The following PHF20 variants were observed in gnomAD, a reference collection of about 807,000 sequenced individuals.
PHF20 encodes PHD finger protein 20.
PHF20 carries 23 observed loss-of-function variants against 113.5 expected under a neutral mutation model. The ratio of observed to expected loss-of-function variants is 0.20; its 90% CI spans 0.15 to 0.29. The LOEUF (loss-of-function observed/expected upper bound fraction) is 0.29. PHF20 is among the 10% of genes least tolerant of loss of function. The probability of loss-of-function intolerance (pLI) is 1.00; values close to 1 mark genes in which losing one functional copy is unlikely to be tolerated. For missense variants in PHF20, 943 were observed against 1,219.6 expected, an observed-to-expected ratio of 0.77 and a Z score of 3.38; for synonymous variants, 434 against 457.3, an observed-to-expected ratio of 0.95 and a Z score of 0.65.
At chr20:35,791,459 A>G (rs2041547332) in intron 1 of PHF20, among the ~76,000 whole-genome samples, 1 of 135,390 alleles carries the variant, frequency 7.4e-6, no homozygotes, top group African/African-American at 3.0e-5. Flanking sequence ...CTATCTATCT[A>G]TCTATCTATC....
intron 2 of PHF20, among the ~76,000 whole-genome samples, chr20:35,841,158 A>G (rs1363053785): frequency 6.6e-6 from 1 of 152,052 alleles, no homozygotes; most frequent in East Asian, 1.9e-4. Flanking sequence ...CAGCCTGGGC[A>G]ACGTAACAGA....
intron 5 of PHF20, among the ~76,000 whole-genome samples, chr20:35,861,170 A>G (rs368375108): frequency 1.4e-5 from 2 of 148,104 alleles, no homozygotes; most frequent in African/African-American, 5.0e-5. Flanking sequence ...TTTTTTCTGT[A>G]GGACTGCACT....
At position 35,905,285 on chromosome 20, in the gene PHF20, G is replaced by A. The variant is rs577763754; in HGVS notation, c.1561+5637G>A. 8.5e-5 allele frequency among the ~76,000 whole-genome samples: 13 copies of A among 152,338 alleles called. No homozygotes were observed. In the South Asian group the frequency reaches 1.9e-3, roughly 22 times the overall value. Reference sequence around the variant, plus strand: ...CACAGATTCAGATTTTGCCTGTAGGGTAGGAGCTGGACTGTTGAGAGGAGA... The same window carrying A: ...CACAGATTCAGATTTTGCCTGTAGGATAGGAGCTGGACTGTTGAGAGGAGA... On this transcript the variant is annotated intron_variant, in intron 10 of 17. Coordinates refer to ENST00000374012, the MANE Select transcript of PHF20 (RefSeq NM_016436.5).
At chr20:35,897,841 A>G (rs534258820) in intron 9 of PHF20, among the ~76,000 whole-genome samples, 1 of 151,332 alleles carries the variant, frequency 6.6e-6, no homozygotes, top group African/African-American at 2.4e-5. Context: ...TGCTGGGATT[A>G]CAGGTGTGAG....
At chr20:35,897,622 A>G (rs1394019479) in intron 9 of PHF20, among the ~76,000 whole-genome samples, 1 of 130,146 alleles carries the variant, frequency 7.7e-6, no homozygotes, top group East Asian at 2.3e-4. Flanking sequence ...GCTCGAGTGC[A>G]GAGGTGCGAT....
chr20:35,859,238 G>A (rs2425180), intron 5 of PHF20, among the ~76,000 whole-genome samples: 38,299 of 151,998 alleles, frequency 0.25, 5,596 homozygotes, highest in African/African-American at 0.41. Flanking sequence ...CTCAGTTTTG[G>A]TACTGGAAAT....
At chr20:35,801,295 C>T (rs1427862995) in intron 1 of PHF20, among the ~76,000 whole-genome samples, 196 bp from the exon 2 acceptor site, 1 of 151,982 alleles carries the variant, frequency 6.6e-6, no homozygotes, top group Non-Finnish European at 1.5e-5. Flanking sequence ...CTTCTTAGTT[C>T]CAGAAACCAC....
intron 9 of PHF20, among the ~76,000 whole-genome samples, chr20:35,889,620 C>T (rs1211786348): frequency 6.6e-6 from 1 of 152,002 alleles, no homozygotes; most frequent in Non-Finnish European, 1.5e-5. Context: ...ATCTCAGCCT[C>T]CTAGAGTGCT....
At chr20:35,898,626 T>C (rs2055036394) in intron 9 of PHF20, among the ~76,000 whole-genome samples, 1 of 152,002 alleles carries the variant, frequency 6.6e-6, no homozygotes, top group Admixed American at 6.6e-5. Flanking sequence ...TGTTTTTTGT[T>C]TGAGTCAAAG....
chr20:35,882,038 T>C (rs1186145216), intron 9 of PHF20, among the ~76,000 whole-genome samples: 5 of 152,268 alleles, frequency 3.3e-5, no homozygotes, highest in Admixed American at 3.3e-4. Flanking sequence ...AATGTCATCT[T>C]GAAATAGAAA....
chr20:35,871,243 C>G (rs2054416134), intron 8 of PHF20, 109 bp downstream of exon 8: 2 of 884,400 alleles, frequency 2.3e-6, no homozygotes, highest in Middle Eastern at 2.4e-4. Flanking sequence ...GTCTTGAAAT[C>G]AAACTATTGA....
At chr20:35,932,428 ATTTTTTTTT>A (rs753265544) in intron 15 of PHF20, among the ~76,000 whole-genome samples, 2 of 104,692 alleles carry the variant, frequency 1.9e-5, no homozygotes, top group Non-Finnish European at 1.9e-5. Flanking sequence ...CATCTTAACC[ATTTTTTTTT>A]TTTTTTTTTT....
intron 10 of PHF20, among the ~76,000 whole-genome samples, chr20:35,903,140 G>A (rs1202490454): frequency 8.7e-6 from 1 of 114,446 alleles, no homozygotes; most frequent in Non-Finnish European, 1.7e-5. Context: ...TGGGTCTCAT[G>A]CATTATACTG....
In PHF20 at chr20:35,794,300, C is replaced by CCAA. The variant is rs1555916513; in HGVS notation, c.-32-7191_-32-7190insCAA. Among the ~76,000 whole-genome samples the CCAA allele has an allele frequency of 1.4e-4, 13 of 96,138 alleles. No individual in the cohort carries two copies. In the East Asian group the frequency reaches 3.9e-3, roughly 29 times the overall value. The allele number at this position is 96,138 out of a possible 152,430, so 63.1% of individuals were successfully genotyped here. On this transcript the variant is annotated intron_variant, in intron 1 of 17. Transcript: ENST00000374012. ...GGGCAACAAGAGCAAAACTCTGTCT[C>CCAA]AAAAAAAAAAAAAAAAGAAAAAAGA...
At chr20:35,857,562 C>CTT (rs56655276) in intron 4 of PHF20, among the ~76,000 whole-genome samples, 2,918 of 99,596 alleles carry the variant, frequency 0.029, 143 homozygotes, top group South Asian at 0.086. Flanking sequence ...AATGATGTTC[C>CTT]TTTTTTTTTT....
intron 9 of PHF20, 128 bp from the exon 10 acceptor site, chr20:35,899,241 TG>T (rs948930171): frequency 3.1e-5 from 21 of 683,120 alleles, no homozygotes; most frequent in Non-Finnish European, 9.8e-6. Context: ...GAGGAGGTAA[TG>T]GCAGTCTGAT....
intron 9 of PHF20, among the ~76,000 whole-genome samples, chr20:35,877,524 A>G (rs1296770326): frequency 2.0e-5 from 3 of 150,102 alleles, no homozygotes; most frequent in Non-Finnish European, 4.4e-5. Context: ...ATTTCGGCTC[A>G]CTGCAACCTC....
intron 2 of PHF20, among the ~76,000 whole-genome samples, chr20:35,842,222 G>C (rs1353949719): frequency 3.3e-5 from 5 of 152,154 alleles, no homozygotes; most frequent in Non-Finnish European, 7.3e-5. Flanking sequence ...GGCGGGCGCT[G>C]TAATCCCCGC....
chr20:35,947,647 A>G lies in PHF20; in HGVS notation c.*20A>G. On this transcript the variant is annotated 3_prime_UTR_variant, in exon 18 of 18. Transcript: ENST00000374012. ...ACATGAAACTGGGCACCCAAAACTC[A>G]TGGGGGCACAATCCTGGGGCACCTG... 3 of 1,608,430 alleles carry G rather than the reference A, an allele frequency of 1.9e-6. No individual in the cohort carries two copies. Among genetic ancestry groups the G allele is most frequent in the Non-Finnish European group, 2.6e-6 (3 of 1,175,754 alleles).
Sources: allele counts gnomAD v4.1 joint callset (sites outside exome capture counted in the v4.1 genomes callset), GRCh38; gene constraint gnomAD v4.1.1; transcripts MANE v1.5; gene names NCBI Gene and HGNC (gene_info 2026-07-23, HGNC 2026-07-21).